BEST3: variants seen among roughly 807,000 people sequenced by gnomAD.
BEST3 encodes the protein bestrophin 3.
A neutral mutation model predicts 47.1 loss-of-function variants in BEST3; 50 were observed. That is an observed-to-expected ratio of 1.06 (90% CI 0.85 to 1.34). The LOEUF (loss-of-function observed/expected upper bound fraction) is 1.34, where lower values mean the gene tolerates loss of function less well. Ranked by LOEUF, BEST3 falls within the 40% of genes most tolerant of loss-of-function variation. BEST3 has a pLI of 0.00. For synonymous variants in BEST3, 282 were observed against 298.8 expected (o/e 0.94, Z 0.58); for missense variants, 765 against 817.0 (o/e 0.94, Z 0.78).
At position 69,686,780 on chromosome 12, in the gene BEST3, A is replaced by AC. The variant is rs1565840604; in HGVS notation, c.481+6893_481+6894insG. On this transcript the variant is annotated intron_variant, in intron 4 of 9. Transcript: ENST00000330891. ...GAGCAAGATTCTGCCTCAAAAAAACAAAAAAAAAAGAAAGAAAAGAAAAAA... is the reference window on the plus strand; with the variant it reads ...GAGCAAGATTCTGCCTCAAAAAAACACAAAAAAAAAGAAAGAAAAGAAAAAA... Among the ~76,000 whole-genome samples, 114 of 52,746 alleles carry AC rather than the reference A, an allele frequency of 2.2e-3. 3 individuals carry two copies. Among genetic ancestry groups the AC allele is most frequent in the African/African-American group, 6.1e-3 (107 of 17,666 alleles). The allele number at this position is 52,746 out of a possible 152,430, so 34.6% of individuals were successfully genotyped here.
chr12:69,643,553 T>C (rs1882940378), downstream of BEST3: 1 of 507,946 alleles, frequency 2.0e-6, no homozygotes, highest in Non-Finnish European at 3.6e-6. Flanking sequence ...ATGTTGGGCA[T>C]TAATAAAGTG....
At chr12:69,693,964 CTG>C (rs2136046158) in intron 3 of BEST3, 57 bp from the exon 4 acceptor site, 1 of 1,306,914 alleles carries the variant, frequency 7.7e-7, no homozygotes, top group Admixed American at 2.2e-5. Flanking sequence ...GTTGGTGACA[CTG>C]ATGCTTTTAG....
intron 9 of BEST3, among the ~76,000 whole-genome samples, chr12:69,666,693 C>T (rs1213402240): frequency 6.6e-6 from 1 of 152,134 alleles, no homozygotes; most frequent in Admixed American, 6.5e-5. Context: ...GTACTGATAC[C>T]AGTAAAATGC....
chr12:69,673,206 A>G (rs1470649997), intron 7 of BEST3, among the ~76,000 whole-genome samples: 1 of 152,218 alleles, frequency 6.6e-6, no homozygotes, highest in Non-Finnish European at 1.5e-5. Context: ...ACTGGTGACA[A>G]TGCAGGCCCT....
rs891670208 is a variant in BEST3, at chr12:69,655,388, T to G, written c.1526A>C (p.Glu509Ala). ...LVPEVLITAA[E>A]APVPTSGGYH... ...GCCCCCTGATGTGGGCACTGGTGCT[T>G]CGGCTGCTGTGATCAATACCTCAGG... Residue 509 changes from glutamate (E) to alanine (A), a missense_variant, in exon 10 of 10, where the codon GAA becomes GCA. Glu to Ala is a moderately radical substitution (Grantham distance 107). Coordinates refer to ENST00000330891, the MANE Select transcript of BEST3 (RefSeq NM_032735.3). 1 of 1,613,964 alleles carries G rather than the reference T, an allele frequency of 6.2e-7. No homozygotes were observed. Among genetic ancestry groups the G allele is most frequent in the Non-Finnish European group, 8.5e-7 (1 of 1,180,004 alleles).
At chr12:69,673,021 G>A in intron 7 of BEST3, 56 bp from the exon 8 acceptor site, 2 of 1,333,338 alleles carry the variant, frequency 1.5e-6, no homozygotes, top group South Asian at 1.3e-5. Context: ...ACTCAGAATA[G>A]AGACTGAAGA....
At chr12:69,643,907 T>C in intron 9 of BEST3, 1 of 522,544 alleles carries the variant, frequency 1.9e-6, no homozygotes, top group Non-Finnish European at 3.5e-6. Flanking sequence ...TTTAATGTAA[T>C]TTCAGTGTTC....
At position 69,670,883 on chromosome 12, in the gene BEST3, C is replaced by T. The variant is rs1403859543; in HGVS notation, c.1100+545G>A. Among the ~76,000 whole-genome samples, 4 of 152,154 alleles carry T rather than the reference C, an allele frequency of 2.6e-5. No homozygotes were observed. The East Asian group carries it at 7.9e-4, about 30-fold the overall frequency. The stretch of plus-strand genomic sequence containing the variant: ...GTGGCATCTGCCTTCAGCAAATATA[C>T]TTAAACTTCTCCCACATTCACACAC... On this transcript the variant is annotated intron_variant, in intron 9 of 9. Transcript: ENST00000330891.
chr12:69,658,093 C>G (rs1166518290), intron 9 of BEST3, among the ~76,000 whole-genome samples: 2 of 152,144 alleles, frequency 1.3e-5, no homozygotes, highest in Non-Finnish European at 2.9e-5. Flanking sequence ...CACAGCCACT[C>G]TGGATGTGTT....
At position 69,693,762 on chromosome 12, in the gene BEST3, G is replaced by A; in HGVS notation, c.393C>T (p.Tyr131=). 6.2e-7 allele frequency: 1 copy of A among 1,614,178 alleles called. No individual in the cohort carries two copies. Among genetic ancestry groups the A allele is most frequent in the Non-Finnish European group, 8.5e-7 (1 of 1,180,032 alleles). The part of the protein sequence containing the change: ...GRLLRRTLMR[Y]VNLTSLLIFR... ...AGATGAGCAGGGAGGTGAGATTGACGTAGCGCATCAGCGTCCTTCTAAGCA... is the reference window on the plus strand; with the variant it reads ...AGATGAGCAGGGAGGTGAGATTGACATAGCGCATCAGCGTCCTTCTAAGCA... Residue 131 remains tyrosine (Y), a synonymous_variant, in exon 4 of 10, where the codon TAC becomes TAT. Coordinates refer to ENST00000330891, the MANE Select transcript of BEST3 (RefSeq NM_032735.3).
chr12:69,646,736 C>T (rs1333901371), intron 9 of BEST3, among the ~76,000 whole-genome samples: 2 of 152,198 alleles, frequency 1.3e-5, no homozygotes. Flanking sequence ...CAGAAATCTG[C>T]CTGTCTTCCT....
intron 9 of BEST3, among the ~76,000 whole-genome samples, chr12:69,669,157 C>T (rs1251766254): frequency 6.6e-6 from 1 of 152,146 alleles, no homozygotes; most frequent in African/African-American, 2.4e-5. Flanking sequence ...TTTTCTAATA[C>T]CACAATCATA....
chr12:69,662,491 A>G (rs186400281), intron 9 of BEST3, among the ~76,000 whole-genome samples: 196 of 152,316 alleles, frequency 1.3e-3, no homozygotes, highest in African/African-American at 3.9e-3. Context: ...AATATTTCTG[A>G]CCTACTGTAT....
chr12:69,655,662 T>C lies in BEST3; in HGVS notation c.1252A>G (p.Ser418Gly), dbSNP rs979888196. Residue 418 changes from serine to glycine, a missense_variant, in exon 10 of 10, where the codon AGT becomes GGT. Transcript: ENST00000330891. ...PRRRSYRRQT[S>G]DSSMFLPRDD... ...CGGGGTAAGAACATGGAGCTGTCAC[T>C]TGTCTGCCTCCTGTAGCTTCTTCTT... 9 of 1,614,014 alleles carry C rather than the reference T, an allele frequency of 5.6e-6. No homozygotes were observed. The highest frequency in any genetic ancestry group is 7.6e-6 in the Non-Finnish European group (9 of 1,179,988).
intron 7 of BEST3, among the ~76,000 whole-genome samples, chr12:69,676,419 TAAA>T (rs35764914): frequency 1.4e-5 from 2 of 141,842 alleles, no homozygotes; most frequent in Admixed American, 6.9e-5. Flanking sequence ...TCAGGGAAAG[TAAA>T]AAAAAAAAAA....
chr12:69,644,952 G>A (rs966228674), intron 9 of BEST3, among the ~76,000 whole-genome samples: 9 of 152,184 alleles, frequency 5.9e-5, no homozygotes, highest in Non-Finnish European at 1.0e-4. Flanking sequence ...TTAGAAGAAT[G>A]TAGATTCAAA....
At chr12:69,666,608 A>G (rs904587512) in intron 9 of BEST3, among the ~76,000 whole-genome samples, 44 of 152,102 alleles carry the variant, frequency 2.9e-4, no homozygotes, top group Non-Finnish European at 5.6e-4. Flanking sequence ...TTTCAGTAAT[A>G]GTATTCTACC....
In BEST3 at chr12:69,695,436, A is replaced by C. The variant is rs553972777; in HGVS notation, c.153-972T>G. On this transcript the variant is annotated intron_variant, in intron 2 of 9. Coordinates refer to ENST00000330891, the MANE Select transcript of BEST3 (RefSeq NM_032735.3). ...GAGCTGTTGGGAGCTGGTCCTGACA[A>C]AGAAGGTGTGTGGGGTACAGGGTGA... 8.3e-4 allele frequency among the ~76,000 whole-genome samples: 126 copies of C among 152,266 alleles called. 1 individual carries two copies. The highest frequency in any genetic ancestry group is 1.3e-3 in the Non-Finnish European group (86 of 68,022).
intron 9 of BEST3, among the ~76,000 whole-genome samples, chr12:69,662,325 A>T (rs1284765897): frequency 1.3e-5 from 2 of 152,194 alleles, no homozygotes; most frequent in Non-Finnish European, 2.9e-5. Context: ...TATGTATCAG[A>T]CTACGTATTT....
Sources: allele counts gnomAD v4.1 joint callset (sites outside exome capture counted in the v4.1 genomes callset), GRCh38; gene constraint gnomAD v4.1.1; transcripts MANE v1.5; gene names NCBI Gene and HGNC (gene_info 2026-07-23, HGNC 2026-07-21).